BRINP3: variants seen among roughly 807,000 people sequenced by gnomAD.
The protein encoded by BRINP3 is BMP/retinoic acid-inducible neural-specific protein 3.
BRINP3 carries 19 observed loss-of-function variants against 71.0 expected under a neutral mutation model. The observed-to-expected ratio is 0.27, with a 90% CI of 0.19 to 0.39. The LOEUF (loss-of-function observed/expected upper bound fraction) is 0.39, where lower values mean the gene tolerates loss of function less well. BRINP3 is among the 10% of genes least tolerant of loss of function. The probability of loss-of-function intolerance (pLI) is 1.00; values close to 1 mark genes in which losing one functional copy is unlikely to be tolerated. For synonymous variants in BRINP3, 380 were observed against 337.7 expected (o/e 1.13, Z -1.37); for missense variants, 959 against 940.8 (o/e 1.02, Z -0.25).
chr1:190,199,836 G>A (rs1179019424), intron 6 of BRINP3, among the ~76,000 whole-genome samples: 2 of 149,400 alleles, frequency 1.3e-5, no homozygotes, highest in African/African-American at 2.5e-5. Flanking sequence ...TTTTTTCTAG[G>A]GAAAATTATA....
intron 6 of BRINP3, among the ~76,000 whole-genome samples, chr1:190,189,876 T>C (rs1367675724): frequency 6.6e-6 from 1 of 152,202 alleles, no homozygotes; most frequent in Non-Finnish European, 1.5e-5. Flanking sequence ...TTAGACTTTA[T>C]AGACTAGCTT....
chr1:190,311,789 C>T (rs1451359584), intron 2 of BRINP3, among the ~76,000 whole-genome samples: 10 of 150,266 alleles, frequency 6.7e-5, no homozygotes, highest in East Asian at 5.9e-4. Flanking sequence ...AGAAAAGCTG[C>T]GTCTAAAGAG....
At chr1:190,451,500 CT>C (rs1343150208) in intron 2 of BRINP3, among the ~76,000 whole-genome samples, 3 of 152,286 alleles carry the variant, frequency 2.0e-5, no homozygotes, top group African/African-American at 7.2e-5. Context: ...AAGTGTCCCC[CT>C]GTTCTATGCG....
chr1:190,154,351 T>C lies in BRINP3; in HGVS notation c.1184+6317A>G, dbSNP rs139451161. ...GCTACTTAGGAGGAGAAGAAATTGATTTCAGGCATTCTCTATCCTAAAGAG... is the reference window on the plus strand; with the variant it reads ...GCTACTTAGGAGGAGAAGAAATTGACTTCAGGCATTCTCTATCCTAAAGAG... On this transcript the variant is annotated intron_variant, in intron 7 of 7. Coordinates refer to ENST00000367462, the MANE Select transcript of BRINP3 (RefSeq NM_199051.3). Among the ~76,000 whole-genome samples, 1,345 of 152,262 alleles carry C rather than the reference T, an allele frequency of 8.8e-3. 10 individuals are homozygous for C. The highest frequency in any genetic ancestry group is 0.013 in the Non-Finnish European group (874 of 68,008).
At chr1:190,469,604 ATT>A (rs1253586442) in intron 1 of BRINP3, among the ~76,000 whole-genome samples, 2 of 150,972 alleles carry the variant, frequency 1.3e-5, no homozygotes, top group Non-Finnish European at 3.0e-5. Context: ...GTGTATATAC[ATT>A]TACAGGGCTG....
chr1:190,130,790 C>A (rs1024229993), intron 7 of BRINP3, among the ~76,000 whole-genome samples: 3 of 151,906 alleles, frequency 2.0e-5, no homozygotes, highest in Non-Finnish European at 1.5e-5. Context: ...CTAATTTGGG[C>A]CCTTATAAAA....
At chr1:190,267,706 C>T (rs527786677) in intron 3 of BRINP3, among the ~76,000 whole-genome samples, 30 of 151,810 alleles carry the variant, frequency 2.0e-4, no homozygotes, top group East Asian at 7.7e-4. Flanking sequence ...AATTACATAA[C>T]GAATTGACAG....
At chr1:190,106,727 C>A (rs1384522360) in intron 7 of BRINP3, among the ~76,000 whole-genome samples, 2 of 151,338 alleles carry the variant, frequency 1.3e-5, no homozygotes, top group Non-Finnish European at 3.0e-5. Flanking sequence ...TGATTTAATA[C>A]TTTTTTCTTA....
At chr1:190,440,613 G>A (rs560477773) in intron 2 of BRINP3, among the ~76,000 whole-genome samples, 1 of 151,986 alleles carries the variant, frequency 6.6e-6, no homozygotes, top group East Asian at 1.9e-4. Context: ...AAAGACAGAA[G>A]GCTGATAAAA....
At chr1:190,405,786 AC>A in intron 2 of BRINP3, among the ~76,000 whole-genome samples, 1 of 152,312 alleles carries the variant, frequency 6.6e-6, no homozygotes, top group Non-Finnish European at 1.5e-5. Flanking sequence ...ATTAGCAATC[AC>A]CCTTTACCAC....
At chr1:190,105,380 AGT>A (rs1652065103) in intron 7 of BRINP3, among the ~76,000 whole-genome samples, 1 of 152,128 alleles carries the variant, frequency 6.6e-6, no homozygotes, top group South Asian at 2.1e-4. Flanking sequence ...GCAATGAATA[AGT>A]GTGTGAAGCA....
chr1:190,233,213 A>G (rs912770270), intron 5 of BRINP3, among the ~76,000 whole-genome samples: 2 of 151,984 alleles, frequency 1.3e-5, no homozygotes, highest in Admixed American at 1.3e-4. Flanking sequence ...TGCGGTGTGG[A>G]CAGCGATGTC....
chr1:190,191,393 A>G (rs1405637053), intron 6 of BRINP3, among the ~76,000 whole-genome samples: 2 of 151,714 alleles, frequency 1.3e-5, no homozygotes, highest in Non-Finnish European at 2.9e-5. Context: ...CCATCCTCTA[A>G]GCTCCCTCCC....
At chr1:190,407,823 A>G (rs929250024) in intron 2 of BRINP3, among the ~76,000 whole-genome samples, 1 of 152,140 alleles carries the variant, frequency 6.6e-6, no homozygotes, top group Non-Finnish European at 1.5e-5. Flanking sequence ...TCAATATCAC[A>G]TGAACACCTA....
chr1:190,476,987 G>A (rs572326394), intron 1 of BRINP3, among the ~76,000 whole-genome samples: 22 of 152,140 alleles, frequency 1.4e-4, no homozygotes, highest in Non-Finnish European at 2.6e-4. Context: ...TCATGTAATT[G>A]CTTATCATGA....
intron 2 of BRINP3, among the ~76,000 whole-genome samples, chr1:190,419,027 T>C (rs1673187623): frequency 6.6e-6 from 1 of 152,140 alleles, no homozygotes; most frequent in South Asian, 2.1e-4. Flanking sequence ...AAATCTGAAT[T>C]ATTCTATATT....
intron 3 of BRINP3, among the ~76,000 whole-genome samples, chr1:190,266,301 G>A (rs184245773): frequency 3.5e-4 from 54 of 152,168 alleles, no homozygotes; most frequent in Admixed American, 3.4e-3. Context: ...AAATGACATA[G>A]CCCAGGTGAC....
At chr1:190,461,443 C>T (rs774386323) in intron 1 of BRINP3, among the ~76,000 whole-genome samples, 1 of 152,082 alleles carries the variant, frequency 6.6e-6, no homozygotes, top group Non-Finnish European at 1.5e-5. Context: ...TTTATGCTCC[C>T]ATTACTTTCC....
At chr1:190,138,103 T>A (rs1655125611) in intron 7 of BRINP3, among the ~76,000 whole-genome samples, 1 of 152,062 alleles carries the variant, frequency 6.6e-6, no homozygotes. Context: ...TACAGGCATG[T>A]ACCAGCACGC....
Sources: allele counts gnomAD v4.1 joint callset (sites outside exome capture counted in the v4.1 genomes callset), GRCh38; gene constraint gnomAD v4.1.1; transcripts MANE v1.5; gene names NCBI Gene and HGNC (gene_info 2026-07-23, HGNC 2026-07-21).